Variants in THSD7B observed in about 807,000 individuals in gnomAD.
THSD7B encodes thrombospondin type-1 domain-containing protein 7B.
Under a neutral mutation model 213.6 loss-of-function variants are expected in THSD7B, and 138 were observed. The ratio of observed to expected loss-of-function variants is 0.65; its 90% CI spans 0.56 to 0.74. THSD7B has a LOEUF of 0.74. Ranked by LOEUF, THSD7B falls within the 30% of genes least tolerant of loss-of-function variation. The pLI is 0.00. For missense variants in THSD7B, 1,931 were observed against 1,991.5 expected (o/e 0.97, Z 0.58); for synonymous variants, 742 against 687.0 (o/e 1.08, Z -1.25).
intron 12 of THSD7B, among the ~76,000 whole-genome samples, chr2:137,329,930 TG>T (rs915494646): frequency 6.6e-6 from 1 of 152,208 alleles, no homozygotes; most frequent in African/African-American, 2.4e-5. Flanking sequence ...AATGGTTTCC[TG>T]GTCTGGGCCC....
At chr2:137,113,847 G>T (rs1295356151) in intron 4 of THSD7B, among the ~76,000 whole-genome samples, 1 of 152,128 alleles carries the variant, frequency 6.6e-6, no homozygotes, top group African/African-American at 2.4e-5. Context: ...AAAAAAAAGT[G>T]AAAATTAAGT....
intron 15 of THSD7B, among the ~76,000 whole-genome samples, chr2:137,517,745 G>A (rs888544081): frequency 1.3e-5 from 2 of 152,206 alleles, no homozygotes; most frequent in Non-Finnish European, 1.5e-5. Flanking sequence ...GGTATCAGTG[G>A]CAGATAGGGA....
In THSD7B at chr2:136,946,673, C is replaced by T. The variant is rs113377189; in HGVS notation, c.139+64356C>T. On this transcript the variant is annotated intron_variant, in intron 2 of 27. Transcript: ENST00000409968. ...GCTTCCCGGCTGCTTTGTTTATCTA[C>T]TCAAGCCTCAGCAATGGTGGACACC... is the stretch of plus-strand genomic sequence containing the variant. Among the ~76,000 whole-genome samples the T allele has an allele frequency of 7.3e-3, 1,110 of 152,296 alleles. 13 individuals are homozygous for T. The highest frequency in any genetic ancestry group is 0.025 in the African/African-American group (1,034 of 41,562).
At chr2:137,421,301 C>A (rs1382014584) in intron 14 of THSD7B, among the ~76,000 whole-genome samples, 1 of 152,146 alleles carries the variant, frequency 6.6e-6, no homozygotes, top group Non-Finnish European at 1.5e-5. Flanking sequence ...TCAGATCCCA[C>A]AGGTTGGCAG....
intron 14 of THSD7B, among the ~76,000 whole-genome samples, chr2:137,420,745 C>T (rs79282478): frequency 1.3e-5 from 2 of 152,230 alleles, no homozygotes; most frequent in East Asian, 3.9e-4. Context: ...GAATTCATTC[C>T]CTATGACTAC....
rs546433220 is a variant in THSD7B at position 137,114,623 on chromosome 2, A to T, written c.1200-501A>T. Among the ~76,000 whole-genome samples, 23 of 152,358 alleles carry T rather than the reference A, an allele frequency of 1.5e-4. 1 individual carries two copies. In the South Asian group the frequency reaches 4.8e-3, roughly 32 times the overall value. ...TGAATGACATGAAGTCAAATGAGTA[A>T]AGAGTTTCTTACATCAAGAAGACTG... is the stretch of plus-strand genomic sequence containing the variant. On this transcript the variant is annotated intron_variant, in intron 4 of 27. Coordinates refer to ENST00000409968, the MANE Select transcript of THSD7B (RefSeq NM_001316349.2).
chr2:137,531,809 A>C (rs1680403736), intron 15 of THSD7B, among the ~76,000 whole-genome samples: 1 of 151,970 alleles, frequency 6.6e-6, no homozygotes, highest in African/African-American at 2.4e-5. Context: ...CTAATGCTTA[A>C]TTAAGCAGTG....
intron 27 of THSD7B, among the ~76,000 whole-genome samples, chr2:137,675,852 T>TAA (rs1377940635): frequency 6.6e-6 from 1 of 152,088 alleles, no homozygotes; most frequent in African/African-American, 2.4e-5. Context: ...AAATACAAGT[T>TAA]AAGATTTCCC....
At chr2:136,904,465 G>A (rs2105015875) in intron 2 of THSD7B, among the ~76,000 whole-genome samples, 1 of 152,338 alleles carries the variant, frequency 6.6e-6, no homozygotes, top group Admixed American at 6.5e-5. Flanking sequence ...TGCTACAGGA[G>A]ACAGGGGCAT....
intron 10 of THSD7B, among the ~76,000 whole-genome samples, chr2:137,254,694 CAACTT>C (rs1404696788): frequency 1.3e-5 from 2 of 152,108 alleles, no homozygotes; most frequent in African/African-American, 4.8e-5. Context: ...ATCTGTAAGA[CAACTT>C]AACTTCATAG....
At chr2:137,245,256 A>G (rs529784866) in intron 10 of THSD7B, among the ~76,000 whole-genome samples, 3 of 152,162 alleles carry the variant, frequency 2.0e-5, no homozygotes, top group Non-Finnish European at 2.9e-5. Flanking sequence ...CATGTTTGCT[A>G]TGTAGCAGAT....
rs754171682 is a variant in THSD7B at position 136,868,112 on chromosome 2, A to ACG, written c.-35-14024_-35-14023dup. Among the ~76,000 whole-genome samples, 268 of 137,044 alleles carry ACG rather than the reference A, an allele frequency of 2.0e-3. 3 individuals carry two copies. In the East Asian group the frequency reaches 0.032, roughly 16 times the overall value. The allele number at this position is 137,044 out of a possible 152,430, so 89.9% of individuals were successfully genotyped here. A position where few individuals can be genotyped will look rare whatever the true frequency, so the allele number is the denominator to read the frequency against. ...GAAACACACCACACCACACACACAC[A>ACG]CGCGCGCGCACACACACACACACAC... On this transcript the variant is annotated intron_variant, in intron 1 of 27. Coordinates refer to ENST00000409968, the MANE Select transcript of THSD7B (RefSeq NM_001316349.2).
At chr2:137,180,628 A>G (rs34897730) in intron 7 of THSD7B, among the ~76,000 whole-genome samples, 1 of 152,226 alleles carries the variant, frequency 6.6e-6, no homozygotes, top group East Asian at 1.9e-4. Flanking sequence ...TTTTATTCCA[A>G]ATTTACTGAT....
intron 12 of THSD7B, among the ~76,000 whole-genome samples, chr2:137,358,342 C>G (rs1387015750): frequency 6.6e-6 from 1 of 152,130 alleles, no homozygotes; most frequent in Non-Finnish European, 1.5e-5. Flanking sequence ...ACTGACCTTA[C>G]AGTCTCATGT....
intron 1 of THSD7B, among the ~76,000 whole-genome samples, chr2:136,783,867 C>CT (rs1681791130): frequency 6.6e-6 from 1 of 152,208 alleles, no homozygotes; most frequent in Non-Finnish European, 1.5e-5. Flanking sequence ...TCAATGCTGC[C>CT]TGTGAATCAG....
At chr2:137,555,641 T>C (rs1422310207) in intron 15 of THSD7B, among the ~76,000 whole-genome samples, 8 of 152,036 alleles carry the variant, frequency 5.3e-5, no homozygotes, top group African/African-American at 1.9e-4. Context: ...AGGGCCTCTC[T>C]TCCTCCAAAG....
At chr2:137,286,093 T>C (rs1573934851) in intron 12 of THSD7B, among the ~76,000 whole-genome samples, 1 of 148,228 alleles carries the variant, frequency 6.7e-6, no homozygotes, top group Non-Finnish European at 1.5e-5. Context: ...AGAGAGACTC[T>C]GTCTAAAAAA....
chr2:137,340,870 A>G (rs528597766), intron 12 of THSD7B, among the ~76,000 whole-genome samples: 2 of 151,880 alleles, frequency 1.3e-5, no homozygotes, highest in East Asian at 3.9e-4. Context: ...TATTGTGAAC[A>G]GTACTGCAAT....
At chr2:137,172,704 C>T (rs1037236878) in intron 7 of THSD7B, among the ~76,000 whole-genome samples, 2 of 152,098 alleles carry the variant, frequency 1.3e-5, no homozygotes, top group South Asian at 2.1e-4. Flanking sequence ...GTGGGAACCC[C>T]GATGTATAAC....
Sources: allele counts gnomAD v4.1 joint callset (sites outside exome capture counted in the v4.1 genomes callset), GRCh38; gene constraint gnomAD v4.1.1; transcripts MANE v1.5; gene names NCBI Gene and HGNC (gene_info 2026-07-23, HGNC 2026-07-21).